The following CLIP4 variants were observed in gnomAD, a reference collection of about 807,000 sequenced individuals.
The protein encoded by CLIP4 is CAP-Gly domain-containing linker protein 4.
In CLIP4, 47 loss-of-function variants were observed where a neutral mutation model predicts 73.1. That is an observed-to-expected ratio of 0.64 (90% CI 0.51 to 0.82). CLIP4 has a LOEUF of 0.82. CLIP4 is among the 40% of genes least tolerant of loss of function. CLIP4 has a pLI of 0.00. For missense variants in CLIP4, 874 were observed against 852.9 expected (o/e 1.02, Z -0.31); for synonymous variants, 306 against 295.4 (o/e 1.04, Z -0.37).
In CLIP4 at chr2:29,145,328, G is replaced by A. The variant is rs1313686455; in HGVS notation, c.982G>A (p.Val328Ile). 2 of 1,612,780 alleles carry A rather than the reference G, an allele frequency of 1.2e-6. No homozygotes were observed. Among genetic ancestry groups the A allele is most frequent in the Non-Finnish European group, 1.7e-6 (2 of 1,178,960 alleles). The part of the protein sequence containing the change: ...DEPEGKNNGS[V>I]GKVQYFKCAP... ...ACCAGAAGGAAAAAATAATGGAAGTGTTGGAAAAGTCCAGTACTTTAAATG... is the reference window on the plus strand; with the variant it reads ...ACCAGAAGGAAAAAATAATGGAAGTATTGGAAAAGTCCAGTACTTTAAATG... The change falls in exon 8 of 16, where the codon GTT becomes ATT. Residue 328 changes from valine to isoleucine, a missense_variant. By Grantham distance (29) the Val-to-Ile change is conservative. Coordinates refer to ENST00000320081, the MANE Select transcript of CLIP4 (RefSeq NM_024692.6).
At chr2:29,169,290 T>C (rs11883734) in intron 14 of CLIP4, among the ~76,000 whole-genome samples, 5,379 of 151,920 alleles carry the variant, frequency 0.035, 290 homozygotes, top group African/African-American at 0.12. Context: ...GGCTTGTAGA[T>C]GGCCTTCTAT....
At chr2:29,125,178 C>A (rs1220308453) in intron 2 of CLIP4, among the ~76,000 whole-genome samples, 2 of 152,152 alleles carry the variant, frequency 1.3e-5, no homozygotes, top group African/African-American at 4.8e-5. Flanking sequence ...CCCTGAACCC[C>A]CTGGCTACGG....
chr2:29,141,789 G>A (rs1014452670), intron 6 of CLIP4, among the ~76,000 whole-genome samples: 4 of 151,930 alleles, frequency 2.6e-5, no homozygotes, highest in Non-Finnish European at 5.9e-5. Flanking sequence ...TGTCTTTTGA[G>A]TGCTGTGTTT....
intron 1 of CLIP4, among the ~76,000 whole-genome samples, chr2:29,109,127 G>C (rs1364393446): frequency 1.3e-5 from 2 of 152,140 alleles, no homozygotes; most frequent in Admixed American, 1.3e-4. Context: ...TAGAGGCTTG[G>C]TCAGAGTCCG....
Position 29,157,302 on chromosome 2 carries a change from A to G in CLIP4, c.1354A>G (p.Lys452Glu). The change falls in exon 11 of 16, where the codon AAG becomes GAG. Residue 452 changes from lysine (K) to glutamate (E), a missense_variant. Lys to Glu is a moderately conservative substitution (Grantham distance 56, BLOSUM62 1). Coordinates refer to ENST00000320081, the MANE Select transcript of CLIP4 (RefSeq NM_024692.6). ...KKQNAISSNK[K>E]TMSKSPSLSS... Reference sequence around the variant, plus strand: ...ACAGAATGCAATCAGCAGTAACAAGAAGACAATGAGCAAAAGCCCTTCCCT... The same window carrying G: ...ACAGAATGCAATCAGCAGTAACAAGGAGACAATGAGCAAAAGCCCTTCCCT... 6.2e-7 allele frequency: 1 copy of G among 1,614,134 alleles called. No individual in the cohort carries two copies. The highest frequency in any genetic ancestry group is 8.5e-7 in the Non-Finnish European group (1 of 1,179,980).
chr2:29,152,738 A>G lies in CLIP4; in HGVS notation c.1075A>G (p.Ile359Val), dbSNP rs147860020. Residue 359 changes from isoleucine (I) to valine (V), a missense_variant, in exon 9 of 16, where the codon ATA becomes GTA. By Grantham distance (29) the Ile-to-Val change is conservative. Coordinates refer to ENST00000320081, the MANE Select transcript of CLIP4 (RefSeq NM_024692.6). The stretch of plus-strand genomic sequence containing the variant: ...TAAAGCAAAAGGTCGAAGGAAGAAT[A>G]TAACACACACTCCTTCTACAAAAGC... Reference protein sequence around the residue: ...ISKAKGRRKNITHTPSTKAAV... With the variant: ...ISKAKGRRKNVTHTPSTKAAV... 2.3e-5 allele frequency: 37 copies of G among 1,613,732 alleles called. No individual in the cohort carries two copies. Among genetic ancestry groups the G allele is most frequent in the African/African-American group, 1.1e-4 (8 of 74,930 alleles).
At chr2:29,181,470 T>C in intron 15 of CLIP4, 102 bp from the exon 16 acceptor site, 1 of 949,924 alleles carries the variant, frequency 1.1e-6, no homozygotes, top group South Asian at 1.8e-5. Context: ...TTTTGGGAAC[T>C]GAGTGAATGA....
At chr2:29,173,125 G>A (rs1485062146) in intron 14 of CLIP4, among the ~76,000 whole-genome samples, 2 of 152,132 alleles carry the variant, frequency 1.3e-5, no homozygotes, top group African/African-American at 4.8e-5. Flanking sequence ...AATTCTTTGA[G>A]GCCTGGGTTG....
chr2:29,148,541 G>A (rs894767491), intron 8 of CLIP4, among the ~76,000 whole-genome samples: 7 of 152,162 alleles, frequency 4.6e-5, no homozygotes, highest in Non-Finnish European at 2.9e-5. Context: ...TGTACGGCAA[G>A]GCTTATTACA....
At chr2:29,147,140 C>G (rs1343151303) in intron 8 of CLIP4, among the ~76,000 whole-genome samples, 1 of 152,018 alleles carries the variant, frequency 6.6e-6, no homozygotes, top group African/African-American at 2.4e-5. Flanking sequence ...GCTCCATTTC[C>G]TTTAATTTTT....
intron 15 of CLIP4, among the ~76,000 whole-genome samples, chr2:29,177,448 G>T (rs1029935398): frequency 2.0e-5 from 3 of 151,784 alleles, no homozygotes; most frequent in Non-Finnish European, 4.4e-5. Context: ...GGGCATGGTG[G>T]CAGGCACCTG....
chr2:29,165,266 T>C (rs1667533353), intron 13 of CLIP4, among the ~76,000 whole-genome samples: 2 of 151,852 alleles, frequency 1.3e-5, no homozygotes, highest in Non-Finnish European at 2.9e-5. Flanking sequence ...TTCTTTCTTT[T>C]TTTTTTGTAT....
chr2:29,164,094 C>T, intron 13 of CLIP4, 140 bp downstream of exon 13: 6 of 735,730 alleles, frequency 8.2e-6, no homozygotes, highest in Non-Finnish European at 1.3e-5. Flanking sequence ...CCACCTTCTT[C>T]AGAGAGAAGG....
chr2:29,147,424 G>A (rs1666245562), intron 8 of CLIP4, among the ~76,000 whole-genome samples: 1 of 152,010 alleles, frequency 6.6e-6, no homozygotes, highest in Non-Finnish European at 1.5e-5. Flanking sequence ...CATTTGCAAT[G>A]TTTTTTGGAC....
chr2:29,102,779 C>A (rs1209808523), intron 1 of CLIP4, among the ~76,000 whole-genome samples: 9 of 152,160 alleles, frequency 5.9e-5, no homozygotes, highest in African/African-American at 2.4e-5. Flanking sequence ...GTGCCCACCA[C>A]CACGCCCAGC....
At chr2:29,117,209 C>G (rs1184170498) in intron 1 of CLIP4, among the ~76,000 whole-genome samples, 1 of 152,172 alleles carries the variant, frequency 6.6e-6, no homozygotes, top group Non-Finnish European at 1.5e-5. Context: ...GAAACATGTT[C>G]TTTTTGCATT....
intron 2 of CLIP4, among the ~76,000 whole-genome samples, chr2:29,125,753 A>G (rs1664562434): frequency 6.6e-6 from 1 of 152,064 alleles, no homozygotes; most frequent in African/African-American, 2.4e-5. Flanking sequence ...CTTGAAAACC[A>G]TTGTTCTTCC....
chr2:29,140,292 A>G (rs1448678995), intron 6 of CLIP4, among the ~76,000 whole-genome samples: 11 of 151,634 alleles, frequency 7.3e-5, no homozygotes, highest in Non-Finnish European at 1.6e-4. Flanking sequence ...ATGTGTTCTC[A>G]TTGTTCAATT....
At chr2:29,135,742 A>T in intron 6 of CLIP4, 76 bp downstream of exon 6, 1 of 990,214 alleles carries the variant, frequency 1.0e-6, no homozygotes, top group Non-Finnish European at 1.5e-6. Flanking sequence ...GTTGAATCTG[A>T]ATGTTATTAA....
Sources: gnomAD v4.1 joint callset for allele counts (sites outside exome capture counted in the v4.1 genomes callset) on GRCh38, gnomAD v4.1.1 for gene constraint, MANE v1.5 for transcripts, NCBI Gene and HGNC (gene_info 2026-07-23, HGNC 2026-07-21) for gene names.